The following CMIP variants were observed in gnomAD, a reference collection of about 807,000 sequenced individuals.
The protein encoded by CMIP is C-Maf-inducing protein.
Under a neutral mutation model 97.3 loss-of-function variants are expected in CMIP, and 13 were observed. The observed-to-expected ratio is 0.13, with a 90% CI of 0.09 to 0.21. CMIP has a LOEUF of 0.21. CMIP is among the 10% of genes least tolerant of loss of function. CMIP has a pLI of 1.00. For synonymous variants in CMIP, 538 were observed against 436.3 expected (o/e 1.23, Z -2.91); for missense variants, 847 against 1,024.9 (o/e 0.83, Z 2.37).
chr16:81,504,195 G>A (rs2089662425), intron 1 of CMIP, among the ~76,000 whole-genome samples: 1 of 152,040 alleles, frequency 6.6e-6, no homozygotes, highest in South Asian at 2.1e-4. Context: ...GCGTGGTCGT[G>A]GGCGCCAGTA....
chr16:81,474,073 G>A (rs902534866), intron 1 of CMIP, among the ~76,000 whole-genome samples: 3 of 151,916 alleles, frequency 2.0e-5, no homozygotes, highest in Non-Finnish European at 4.4e-5. Context: ...GCCTTTAACC[G>A]GGCACTCCTG....
At chr16:81,531,037 A>G (rs1350126567) in intron 1 of CMIP, among the ~76,000 whole-genome samples, 1 of 152,192 alleles carries the variant, frequency 6.6e-6, no homozygotes, top group Non-Finnish European at 1.5e-5. Flanking sequence ...AGGCACGTTT[A>G]CGCTGTAGTC....
chr16:81,642,684 T>A (rs1031705166), intron 3 of CMIP, among the ~76,000 whole-genome samples: 1 of 151,918 alleles, frequency 6.6e-6, no homozygotes, highest in African/African-American at 2.4e-5. Context: ...TCTCCTGAGG[T>A]CAGGAGTTCG....
chr16:81,667,981 C>A (rs73600421), intron 7 of CMIP, among the ~76,000 whole-genome samples: 5 of 152,054 alleles, frequency 3.3e-5, no homozygotes, highest in African/African-American at 1.2e-4. Flanking sequence ...CCCTTTGACT[C>A]CACATGAAGA....
intron 1 of CMIP, among the ~76,000 whole-genome samples, chr16:81,602,250 G>GA (rs142132010): frequency 2.6e-5 from 4 of 151,568 alleles, no homozygotes; most frequent in East Asian, 1.9e-4. Flanking sequence ...ATAATGTGGG[G>GA]AAAAAAAAGG....
intron 1 of CMIP, among the ~76,000 whole-genome samples, chr16:81,448,229 C>G (rs1001816582): frequency 6.6e-6 from 1 of 152,242 alleles, no homozygotes; most frequent in Non-Finnish European, 1.5e-5. Flanking sequence ...TCAGAATCAT[C>G]TGGTAATTAT....
At chr16:81,671,652 A>G (rs76097582) in intron 8 of CMIP, among the ~76,000 whole-genome samples, 5,887 of 152,322 alleles carry the variant, frequency 0.039, 182 homozygotes, top group Non-Finnish European at 0.06. Context: ...GGGGGCTGCT[A>G]TCCTCATTTT....
At chr16:81,466,125 A>G (rs1418605872) in intron 1 of CMIP, among the ~76,000 whole-genome samples, 2 of 152,060 alleles carry the variant, frequency 1.3e-5, no homozygotes, top group South Asian at 2.1e-4. Flanking sequence ...CAGTGGCACA[A>G]TCACAGCTTG....
chr16:81,600,140 G>A (rs1273525176), intron 1 of CMIP, among the ~76,000 whole-genome samples: 1 of 152,010 alleles, frequency 6.6e-6, no homozygotes, highest in Non-Finnish European at 1.5e-5. Flanking sequence ...TTAGCCAGGA[G>A]TGGTGGTGGG....
intron 1 of CMIP, among the ~76,000 whole-genome samples, chr16:81,500,463 CCTT>C (rs1597480072): frequency 7.5e-6 from 1 of 132,976 alleles, no homozygotes; most frequent in African/African-American, 2.8e-5. Flanking sequence ...CTCCCTCCCT[CCTT>C]CTTTCCTCCC....
intron 20 of CMIP, among the ~76,000 whole-genome samples, chr16:81,709,134 G>T (rs1908475974): frequency 6.6e-6 from 1 of 152,204 alleles, no homozygotes; most frequent in Non-Finnish European, 1.5e-5. Flanking sequence ...GAATCACAGA[G>T]TCGAGTAATG....
rs189091660 is a variant in CMIP, at chr16:81,706,844, G to A, written c.2198-170G>A. Among the ~76,000 whole-genome samples, 7 of 152,244 alleles carry A rather than the reference G, an allele frequency of 4.6e-5. No individual in the cohort carries two copies. The East Asian group carries it at 1.2e-3, about 25-fold the overall frequency. ...CAGCACGTGCCTGAAATAGACTTTC[G>A]GTGTCTAGTGGGCCACCTACCCTGG... is the stretch of plus-strand genomic sequence containing the variant. On this transcript the variant is annotated intron_variant, in intron 19 of 20. Coordinates refer to ENST00000537098, the MANE Select transcript of CMIP (RefSeq NM_198390.3).
chr16:81,664,156 A>C, intron 6 of CMIP, 113 bp from the exon 7 acceptor site: 1 of 933,028 alleles, frequency 1.1e-6, no homozygotes, highest in Non-Finnish European at 1.6e-6. Context: ...GTGTTCATCA[A>C]GGGAACCCAG....
intron 10 of CMIP, among the ~76,000 whole-genome samples, chr16:81,682,160 C>T (rs962734023): frequency 1.3e-5 from 2 of 152,018 alleles, no homozygotes; most frequent in Non-Finnish European, 2.9e-5. Context: ...TCCACGATTG[C>T]ACTGCTGCAC....
intron 20 of CMIP, 142 bp downstream of exon 20, chr16:81,707,226 A>C: frequency 2.8e-6 from 2 of 717,734 alleles, no homozygotes; most frequent in African/African-American, 1.8e-5. Context: ...ATGGCAGATC[A>C]AAAAGAGTGA....
Position 81,711,266 on chromosome 16 carries a change from T to A in CMIP, c.*1467T>A, listed in dbSNP as rs1908742707. ...ACCTCCAAACCTACCCCACAGTCAGTGTACTTGTTTTATATATATTTAATC... is the reference window on the plus strand; with the variant it reads ...ACCTCCAAACCTACCCCACAGTCAGAGTACTTGTTTTATATATATTTAATC... On this transcript the variant is annotated 3_prime_UTR_variant, in exon 21 of 21. Coordinates refer to ENST00000537098, the MANE Select transcript of CMIP (RefSeq NM_198390.3). The A allele has an allele frequency of 6.6e-6, 1 of 152,206 alleles. No homozygotes were observed. The highest frequency in any genetic ancestry group is 2.4e-5 in the African/African-American group (1 of 41,300). The allele number at this position is 152,206 out of a possible 1,614,324, so 9.4% of individuals were successfully genotyped here.
At chr16:81,594,329 G>A (rs1339960393) in intron 1 of CMIP, among the ~76,000 whole-genome samples, 3 of 151,378 alleles carry the variant, frequency 2.0e-5, no homozygotes, top group Non-Finnish European at 4.4e-5. Context: ...ATGTTGTCCA[G>A]GCTGGTCTTG....
chr16:81,660,585 G>A (rs199760361), intron 5 of CMIP, among the ~76,000 whole-genome samples: 1 of 152,194 alleles, frequency 6.6e-6, no homozygotes, highest in East Asian at 1.9e-4. Context: ...AATTTTGCAA[G>A]TATTTCATGA....
At chr16:81,569,623 T>C (rs1331999353) in intron 1 of CMIP, among the ~76,000 whole-genome samples, 1 of 152,212 alleles carries the variant, frequency 6.6e-6, no homozygotes, top group Non-Finnish European at 1.5e-5. Context: ...GAAGTCCCGA[T>C]TTGCAATGCT....
Sources: allele counts gnomAD v4.1 joint callset (sites outside exome capture counted in the v4.1 genomes callset), GRCh38; gene constraint gnomAD v4.1.1; transcripts MANE v1.5; gene names NCBI Gene and HGNC (gene_info 2026-07-23, HGNC 2026-07-21).